The following DCAF6 variants were observed in gnomAD, a reference collection of about 807,000 sequenced individuals.
The protein encoded by DCAF6 is DDB1 and CUL4 associated factor 6.
In DCAF6, 54 loss-of-function variants were observed where a neutral mutation model predicts 125.1. The observed-to-expected ratio is 0.43, with a 90% CI of 0.35 to 0.54. The LOEUF is 0.54. Ranked by LOEUF, DCAF6 falls within the 20% of genes least tolerant of loss-of-function variation. The pLI is 0.01. For synonymous variants in DCAF6, 371 were observed against 390.4 expected (o/e 0.95, Z 0.58); for missense variants, 934 against 1,161.7 (o/e 0.80, Z 2.85).
chr1:168,055,106 A>G (rs1487547796), intron 17 of DCAF6, among the ~76,000 whole-genome samples: 1 of 152,116 alleles, frequency 6.6e-6, no homozygotes, highest in Non-Finnish European at 1.5e-5. Context: ...TATTCTTTTA[A>G]TATCTTTTTT....
intron 10 of DCAF6, among the ~76,000 whole-genome samples, chr1:168,011,342 T>C (rs1684257572): frequency 6.6e-6 from 1 of 152,094 alleles, no homozygotes; most frequent in Admixed American, 6.5e-5. Flanking sequence ...GGTCTTGATC[T>C]CCTGAGCTCG....
the DCAF6 span, chr1:167,903,840 C>A: frequency 7.2e-7 from 1 of 1,387,932 alleles, no homozygotes; most frequent in Non-Finnish European, 1.0e-6. Context: ...ACGGAAAAAA[C>A]AATGAATTGA....
chr1:167,979,503 A>C (rs1255457968), intron 4 of DCAF6, among the ~76,000 whole-genome samples: 1 of 152,236 alleles, frequency 6.6e-6, no homozygotes, highest in Middle Eastern at 3.2e-3. Flanking sequence ...GATTTCACTT[A>C]GCATGATCAT....
At chr1:168,052,484 A>C (rs1690070196) in intron 17 of DCAF6, among the ~76,000 whole-genome samples, 1 of 152,148 alleles carries the variant, frequency 6.6e-6, no homozygotes, top group African/African-American at 2.4e-5. Flanking sequence ...TCTTATGTAG[A>C]GATTATCTGG....
At chr1:167,877,576 T>C in the DCAF6 span, among the ~76,000 whole-genome samples, 2 of 152,040 alleles carry the variant, frequency 1.3e-5, no homozygotes, top group Admixed American at 6.6e-5. Flanking sequence ...GATATAAGAA[T>C]AAAGAAATAA....
At chr1:168,002,829 A>G (rs1172398952) in intron 8 of DCAF6, among the ~76,000 whole-genome samples, 1 of 152,146 alleles carries the variant, frequency 6.6e-6, no homozygotes, top group Non-Finnish European at 1.5e-5. Context: ...TCCCACTGAA[A>G]GTATAAGAAT....
chr1:168,060,379 T>C (rs1162075567), intron 17 of DCAF6, among the ~76,000 whole-genome samples: 1 of 151,894 alleles, frequency 6.6e-6, no homozygotes, highest in East Asian at 1.9e-4. Context: ...AGAGATGGGA[T>C]CTTACTGTGT....
intron 11 of DCAF6, among the ~76,000 whole-genome samples, chr1:168,018,106 C>A (rs1488052296): frequency 6.6e-6 from 1 of 152,108 alleles, no homozygotes; most frequent in Non-Finnish European, 1.5e-5. Context: ...ATCAGTAATA[C>A]CTAATTCCTG....
At chr1:167,968,242 G>C (rs1676735733) in intron 3 of DCAF6, among the ~76,000 whole-genome samples, 1 of 152,144 alleles carries the variant, frequency 6.6e-6, no homozygotes, top group Non-Finnish European at 1.5e-5. Context: ...GAGTAGTAAA[G>C]GCTTGGCTGC....
At chr1:168,040,005 G>A (rs1688323164) in intron 13 of DCAF6, among the ~76,000 whole-genome samples, 1 of 151,910 alleles carries the variant, frequency 6.6e-6, no homozygotes, top group African/African-American at 2.4e-5. Context: ...TCTAGATGGA[G>A]GAAGTTTATT....
the DCAF6 span, among the ~76,000 whole-genome samples, chr1:167,885,276 T>C: frequency 6.6e-6 from 1 of 152,196 alleles, no homozygotes; most frequent in Non-Finnish European, 1.5e-5. Flanking sequence ...CTTCAATATA[T>C]TGATTTCTTT....
At chr1:167,923,503 T>G in the DCAF6 span, among the ~76,000 whole-genome samples, 2 of 152,066 alleles carry the variant, frequency 1.3e-5, no homozygotes, top group African/African-American at 2.4e-5. Context: ...GTGAAATTCA[T>G]AGAGACAGAA....
chr1:168,025,006 T>A (rs1686157469), intron 12 of DCAF6, among the ~76,000 whole-genome samples: 1 of 152,088 alleles, frequency 6.6e-6, no homozygotes, highest in Non-Finnish European at 1.5e-5. Flanking sequence ...ATTACAGAGG[T>A]ATTAACAATG....
intron 3 of DCAF6, among the ~76,000 whole-genome samples, chr1:167,968,794 A>G (rs1259980458): frequency 6.6e-6 from 1 of 152,236 alleles, no homozygotes. Flanking sequence ...GCTTAACATC[A>G]TGCCAACTGG....
chr1:167,899,268 C>G, the DCAF6 span, among the ~76,000 whole-genome samples: 12 of 152,190 alleles, frequency 7.9e-5, no homozygotes, highest in African/African-American at 2.9e-4. Context: ...GAGGAGCTGC[C>G]CTGGACTAAA....
At chr1:167,912,845 A>C in the DCAF6 span, among the ~76,000 whole-genome samples, 1 of 152,208 alleles carries the variant, frequency 6.6e-6, no homozygotes, top group African/African-American at 2.4e-5. Flanking sequence ...AAACAGCGCT[A>C]TGAAGTAGAC....
intron 14 of DCAF6, among the ~76,000 whole-genome samples, chr1:168,043,944 A>G (rs1478183218): frequency 6.6e-6 from 1 of 152,168 alleles, no homozygotes; most frequent in Non-Finnish European, 1.5e-5. Context: ...AAAAATGCTC[A>G]GTTTTAAGTT....
chr1:168,049,431 G>GTTTTTTTT (rs11369573), intron 16 of DCAF6, among the ~76,000 whole-genome samples: 1 of 101,192 alleles, frequency 9.9e-6, no homozygotes. Context: ...TGTTGTTGTT[G>GTTTTTTTT]TTTTTTTTTT....
chr1:168,058,875 CTGGT>C (rs1198659925), intron 17 of DCAF6, among the ~76,000 whole-genome samples: 1 of 152,144 alleles, frequency 6.6e-6, no homozygotes, highest in Non-Finnish European at 1.5e-5. Context: ...CGGTCCTGAT[CTGGT>C]TTTCTACTGG....
Sources: gnomAD v4.1 joint callset for allele counts (sites outside exome capture counted in the v4.1 genomes callset) on GRCh38, gnomAD v4.1.1 for gene constraint, MANE v1.5 for transcripts, NCBI Gene and HGNC (gene_info 2026-07-23, HGNC 2026-07-21) for gene names.